NR5A2: variants seen among roughly 807,000 people sequenced by gnomAD.
The protein encoded by NR5A2 is nuclear receptor subfamily 5 group A member 2.
A neutral mutation model predicts 62.7 loss-of-function variants in NR5A2; 26 were observed. The ratio of observed to expected loss-of-function variants is 0.41; its 90% CI spans 0.30 to 0.58. The LOEUF (loss-of-function observed/expected upper bound fraction) is 0.58. Among genes scored for constraint, NR5A2 ranks in the 20% least tolerant of loss-of-function variants. The pLI, the probability that NR5A2 is intolerant of heterozygous loss-of-function variation, is 0.22. For missense variants in NR5A2, 541 were observed against 669.1 expected, an observed-to-expected ratio of 0.81 and a Z score of 2.11; for synonymous variants, 246 against 241.7, an observed-to-expected ratio of 1.02 and a Z score of -0.16.
At chr1:200,116,234 C>T (rs1558148611) in intron 6 of NR5A2, among the ~76,000 whole-genome samples, 1 of 152,108 alleles carries the variant, frequency 6.6e-6, no homozygotes, top group Non-Finnish European at 1.5e-5. Context: ...TTATAGTGAC[C>T]CTTTGGACAG....
intron 5 of NR5A2, among the ~76,000 whole-genome samples, chr1:200,099,428 C>T (rs1665261537): frequency 6.6e-6 from 1 of 151,808 alleles, no homozygotes; most frequent in Admixed American, 6.6e-5. Flanking sequence ...CGGAGCATGC[C>T]CTCTGGAATA....
chr1:200,108,560 C>G (rs1263343271), intron 5 of NR5A2, among the ~76,000 whole-genome samples: 2 of 152,098 alleles, frequency 1.3e-5, no homozygotes, highest in African/African-American at 4.8e-5. Flanking sequence ...TACAGTCCCC[C>G]ACCCACTTAG....
intron 7 of NR5A2, among the ~76,000 whole-genome samples, chr1:200,128,719 G>C (rs762661397): frequency 1.3e-5 from 2 of 152,256 alleles, no homozygotes; most frequent in South Asian, 4.1e-4. Flanking sequence ...TGGTGGGCAG[G>C]CAGAGAGGAG....
rs1238195807 is a variant in NR5A2, at chr1:200,177,314, T to G, written c.*3104T>G. ...TGTTGATGTTTTCTTACTGTATCAA[T>G]GAAATACATATTGTCATGTCAGTTC... On this transcript the variant is annotated 3_prime_UTR_variant, in exon 8 of 8. Coordinates refer to ENST00000367362, the MANE Select transcript of NR5A2 (RefSeq NM_205860.3). 6.6e-6 allele frequency: 1 copy of G among 152,662 alleles called. No individual in the cohort carries two copies. Among genetic ancestry groups the G allele is most frequent in the East Asian group, 1.9e-4 (1 of 5,200 alleles). The allele number at this position is 152,662 out of a possible 1,614,324, so 9.5% of individuals were successfully genotyped here. A position where few individuals can be genotyped will look rare whatever the true frequency, so the allele number is the denominator to read the frequency against.
chr1:200,147,907 C>T lies in NR5A2; in HGVS notation c.1379-26056C>T. The T allele has an allele frequency of 5.1e-6, 2 of 393,908 alleles. No homozygotes were observed. The highest frequency in any genetic ancestry group is 9.4e-6 in the Non-Finnish European group (2 of 212,314). The allele number at this position is 393,908 out of a possible 1,614,324, so 24.4% of individuals were successfully genotyped here. ...GTGGCCGGCGCGCGGGGAGAAGCTG[C>T]GGGCTGTGATGTGGTGCAGCGCTTC... On this transcript the variant is annotated intron_variant, in intron 7 of 7. Transcript: ENST00000367362. The surrounding 1 kb of genome is among the most constrained non-coding windows in gnomAD (Gnocchi z 4.9).
At chr1:200,112,734 AT>A (rs1217913124) in intron 6 of NR5A2, among the ~76,000 whole-genome samples, 3 of 152,014 alleles carry the variant, frequency 2.0e-5, no homozygotes, top group African/African-American at 7.2e-5. Flanking sequence ...GTGCTTTCAA[AT>A]TTTTTTTGGC....
intron 2 of NR5A2, chr1:200,042,755 G>C (rs1482480127): frequency 6.3e-6 from 6 of 959,968 alleles, no homozygotes; most frequent in African/African-American, 1.8e-5. Context: ...GACCTGTGTG[G>C]ATGTGGAGTC....
rs1213718210 is a variant in NR5A2, at chr1:200,173,959, G to C, written c.1379-4G>C. On this transcript the variant is annotated splice_polypyrimidine_tract_variant and splice_region_variant and intron_variant, in intron 7 of 7. Transcript: ENST00000367362. ...TGCTTTTTTTTTTTTTTTTTTTAATGCAGATGTCAAAAACCTTGAAAACTT... is the reference window on the plus strand; with the variant it reads ...TGCTTTTTTTTTTTTTTTTTTTAATCCAGATGTCAAAAACCTTGAAAACTT... 1 of 1,283,216 alleles carries C rather than the reference G, an allele frequency of 7.8e-7. No individual in the cohort carries two copies. Among genetic ancestry groups the C allele is most frequent in the South Asian group, 2.2e-5 (1 of 45,708 alleles). 79.5% of individuals were successfully genotyped at this position (1,283,216 alleles called of 1,614,324 possible). A position where few individuals can be genotyped will look rare whatever the true frequency, so the allele number is the denominator to read the frequency against.
At chr1:200,038,796 C>T (rs1435365891) in intron 1 of NR5A2, 24 of 1,298,052 alleles carry the variant, frequency 1.8e-5, no homozygotes, top group Non-Finnish European at 2.3e-5. Context: ...GCATTTACAT[C>T]CCCCCGCCCC....
intron 7 of NR5A2, among the ~76,000 whole-genome samples, chr1:200,145,271 C>T (rs908841625): frequency 1.3e-5 from 2 of 152,112 alleles, no homozygotes; most frequent in Admixed American, 6.5e-5. Flanking sequence ...GACTGAGACA[C>T]TGCACTCCAG....
chr1:200,147,916 A>G lies in NR5A2; in HGVS notation c.1379-26047A>G. The G allele has an allele frequency of 2.5e-6, 1 of 393,814 alleles. No homozygotes were observed. The highest frequency in any genetic ancestry group is 4.7e-6 in the Non-Finnish European group (1 of 211,942). The allele number at this position is 393,814 out of a possible 1,614,324, so 24.4% of individuals were successfully genotyped here. A position where few individuals can be genotyped will look rare whatever the true frequency, so the allele number is the denominator to read the frequency against. ...GCGCGGGGAGAAGCTGCGGGCTGTG[A>G]TGTGGTGCAGCGCTTCGCCGGTGTT... On this transcript the variant is annotated intron_variant, in intron 7 of 7. Coordinates refer to ENST00000367362, the MANE Select transcript of NR5A2 (RefSeq NM_205860.3). This position sits in a 1 kb window ranked among gnomAD's most constrained non-coding sequence, Gnocchi z 4.9.
In NR5A2 at chr1:200,039,945, A is replaced by T; in HGVS notation, c.202+150A>T. The T allele has an allele frequency of 2.4e-6, 2 of 818,412 alleles. No individual in the cohort carries two copies. The highest frequency in any genetic ancestry group is 6.4e-5 in the East Asian group (2 of 31,068). The allele number at this position is 818,412 out of a possible 1,614,324, so 50.7% of individuals were successfully genotyped here. On this transcript the variant is annotated intron_variant, in intron 2 of 7. Transcript: ENST00000367362. The surrounding 1 kb of genome is among the most constrained non-coding windows in gnomAD (Gnocchi z 5.1). ...GGAGTCAAGCCCCCTCCCCAGGTGC[A>T]GGCATAAAAGTTTATGGCTCTTGAA...
intron 6 of NR5A2, among the ~76,000 whole-genome samples, chr1:200,118,497 C>T (rs1666343572): frequency 6.6e-6 from 1 of 152,132 alleles, no homozygotes; most frequent in African/African-American, 2.4e-5. Flanking sequence ...AAGATAAGGA[C>T]ACCAAGGGAT....
In NR5A2 at chr1:200,028,954, C is replaced by T. The variant is rs1385886110; in HGVS notation, c.64+1043C>T. On this transcript the variant is annotated intron_variant, in intron 1 of 7. Coordinates refer to ENST00000367362, the MANE Select transcript of NR5A2 (RefSeq NM_205860.3). Reference sequence around the variant, plus strand: ...AGTATATCACTTGAGGAAATGTTTACCAAAAATGTTCTATACTTACGAAAA... The same window carrying T: ...AGTATATCACTTGAGGAAATGTTTATCAAAAATGTTCTATACTTACGAAAA... 5 of 357,060 alleles carry T rather than the reference C, an allele frequency of 1.4e-5. No individual in the cohort carries two copies. In the East Asian group the frequency reaches 7.0e-4, roughly 50 times the overall value. 22.1% of individuals were successfully genotyped at this position (357,060 alleles called of 1,614,324 possible). A position where few individuals can be genotyped will look rare whatever the true frequency, so the allele number is the denominator to read the frequency against.
At chr1:200,110,165 T>C (rs2821326) in intron 5 of NR5A2, among the ~76,000 whole-genome samples, 138,514 of 152,286 alleles carry the variant, frequency 0.91, 63,045 homozygotes, top group East Asian at 0.97. Flanking sequence ...ATGTTTTGCA[T>C]GTCAAATCTA....
At chr1:200,117,428 G>A (rs1553274452) in intron 6 of NR5A2, among the ~76,000 whole-genome samples, 1 of 152,160 alleles carries the variant, frequency 6.6e-6, no homozygotes, top group Non-Finnish European at 1.5e-5. Context: ...GTAAATAAAT[G>A]TATAGTTATA....
chr1:200,145,504 GTGTGT>G (rs1667660011), intron 7 of NR5A2, among the ~76,000 whole-genome samples: 2 of 122,582 alleles, frequency 1.6e-5, no homozygotes, highest in African/African-American at 5.9e-5. Flanking sequence ...GTGTGTGTGT[GTGTGT>G]GTGTGTTATA....
At chr1:200,087,546 C>T (rs1664610557) in intron 5 of NR5A2, among the ~76,000 whole-genome samples, 1 of 151,472 alleles carries the variant, frequency 6.6e-6, no homozygotes, top group African/African-American at 2.4e-5. Context: ...AGGCACGCAC[C>T]ACCACACCTG....
At chr1:200,071,556 G>A (rs1663738584) in intron 5 of NR5A2, among the ~76,000 whole-genome samples, 1 of 152,184 alleles carries the variant, frequency 6.6e-6, no homozygotes, top group Admixed American at 6.5e-5. Flanking sequence ...CTGAATAAAT[G>A]TTTACATAAT....
Sources: gnomAD v4.1 joint callset for allele counts (sites outside exome capture counted in the v4.1 genomes callset) on GRCh38, gnomAD v4.1.1 for gene constraint, Gnocchi (gnomAD v3.1) non-coding constraint, MANE v1.5 for transcripts, NCBI Gene and HGNC (gene_info 2026-07-23, HGNC 2026-07-21) for gene names.